COPS6: variants seen among roughly 807,000 people sequenced by gnomAD.
The protein encoded by COPS6 is COP9 signalosome subunit 6.
In COPS6, 9 loss-of-function variants were observed where a neutral mutation model predicts 41.0. That is an observed-to-expected ratio of 0.22 (90% CI 0.13 to 0.38). The LOEUF is 0.38. COPS6 is among the 10% of genes least tolerant of loss of function. The probability of loss-of-function intolerance (pLI) is 1.00; values close to 1 mark genes in which losing one functional copy is unlikely to be tolerated. For synonymous variants in COPS6, 179 were observed against 162.9 expected (o/e 1.10, Z -0.75); for missense variants, 302 against 436.7 (o/e 0.69, Z 2.75).
Position 100,088,971 on chromosome 7 carries a change from G to C in COPS6, c.-20G>C, listed in dbSNP as rs1474409026. ...CCGGGAAGGAAGGGGGCGGGGCCGA[G>C]GCTGGCGGGCGCGGGGAAAATGGCG... is the stretch of plus-strand genomic sequence containing the variant. On this transcript the variant is annotated 5_prime_UTR_variant, in exon 1 of 10. Transcript: ENST00000303904. 6.8e-6 allele frequency: 9 copies of C among 1,320,970 alleles called. No individual in the cohort carries two copies. Among genetic ancestry groups the C allele is most frequent in the Non-Finnish European group, 1.9e-6 (2 of 1,034,516 alleles). 81.8% of individuals were successfully genotyped at this position (1,320,970 alleles called of 1,614,324 possible).
Position 100,091,892 on chromosome 7 carries a change from G to A in COPS6, c.*103G>A. The stretch of plus-strand genomic sequence containing the variant: ...AACCGCTGTCATTAATAAAAGGGGA[G>A]CAGCCCCTGAGCACCCCTGCTGGTG... On this transcript the variant is annotated 3_prime_UTR_variant, in exon 10 of 10. Coordinates refer to ENST00000303904, the MANE Select transcript of COPS6 (RefSeq NM_006833.5). The surrounding 1 kb of genome is among the most constrained non-coding windows in gnomAD (Gnocchi z 4.1). 4.1e-6 allele frequency: 6 copies of A among 1,477,398 alleles called. No homozygotes were observed. The highest frequency in any genetic ancestry group is 1.2e-5 in the South Asian group (1 of 80,904). 91.5% of individuals were successfully genotyped at this position (1,477,398 alleles called of 1,614,324 possible). A position where few individuals can be genotyped will look rare whatever the true frequency, so the allele number is the denominator to read the frequency against.
In COPS6 at chr7:100,091,735, T is replaced by C. The variant is rs745563558; in HGVS notation, c.930T>C (p.Asn310=). The C allele has an allele frequency of 8.7e-6, 14 of 1,614,098 alleles. No individual in the cohort carries two copies. The highest frequency in any genetic ancestry group is 1.3e-5 in the African/African-American group (1 of 74,930). Residue 310 remains asparagine, a synonymous_variant, in exon 10 of 10, where the codon AAT becomes AAC. Transcript: ENST00000303904. This position sits in a 1 kb window ranked among gnomAD's most constrained non-coding sequence, Gnocchi z 4.1. The stretch of plus-strand genomic sequence containing the variant: ...TGAACCAGTTTGTGAACAAGTTCAA[T>C]GTCCTCTACGACCGACAAGGCATCG... ...NTMNQFVNKF[N]VLYDRQGIGR... is the part of the protein sequence containing the mutation.
In COPS6 at chr7:100,091,216, T is replaced by G. The variant is rs1377883589; in HGVS notation, c.650-22T>G. On this transcript the variant is annotated intron_variant, in intron 7 of 9. Transcript: ENST00000303904. This position sits in a 1 kb window ranked among gnomAD's most constrained non-coding sequence, Gnocchi z 4.1. ...GTGGCCACATCCCGTCTCAACCTCC[T>G]CCTGTCCTCATCCCCTTGCAGTGGC... 2 of 1,614,100 alleles carry G rather than the reference T, an allele frequency of 1.2e-6. No homozygotes were observed. The highest frequency in any genetic ancestry group is 1.7e-6 in the Non-Finnish European group (2 of 1,179,934).
Position 100,092,115 on chromosome 7 carries a change from C to G in COPS6, c.*326C>G. ...TGCTTCCACCTAAGTGGTCTCTGTTCTACACTTTAATGTCACCCTCTACAT... is the reference window on the plus strand; with the variant it reads ...TGCTTCCACCTAAGTGGTCTCTGTTGTACACTTTAATGTCACCCTCTACAT... On this transcript the variant is annotated 3_prime_UTR_variant, in exon 10 of 10. Transcript: ENST00000303904. 3.0e-6 allele frequency: 1 copy of G among 332,108 alleles called. No individual in the cohort carries two copies. Among genetic ancestry groups the G allele is most frequent in the South Asian group, 4.5e-5 (1 of 22,298 alleles). 20.6% of individuals were successfully genotyped at this position (332,108 alleles called of 1,614,324 possible).
intron 3 of COPS6, 139 bp downstream of exon 3, chr7:100,089,885 A>G (rs1795286531): frequency 1.3e-6 from 1 of 787,486 alleles, no homozygotes; most frequent in Non-Finnish European, 2.0e-6. Context: ...AGCTGGAGAG[A>G]TCTCAGAAAA....
chr7:100,089,104 T>C (rs1173999112), intron 1 of COPS6, 38 bp downstream of exon 1: 1 of 1,438,848 alleles, frequency 7.0e-7, no homozygotes, highest in Non-Finnish European at 9.1e-7. Flanking sequence ...GGAGACCTCC[T>C]TCAGGGGTTC....
In COPS6 at chr7:100,091,229, C is replaced by A. The variant is rs1795311649; in HGVS notation, c.650-9C>A. The A allele has an allele frequency of 6.2e-7, 1 of 1,614,188 alleles. No homozygotes were observed. Among genetic ancestry groups the A allele is most frequent in the East Asian group, 2.2e-5 (1 of 44,876 alleles). ...GTCTCAACCTCCTCCTGTCCTCATC[C>A]CCTTGCAGTGGCTGAACACCTGATA... On this transcript the variant is annotated splice_polypyrimidine_tract_variant and intron_variant, in intron 7 of 9. Coordinates refer to ENST00000303904, the MANE Select transcript of COPS6 (RefSeq NM_006833.5). This position sits in a 1 kb window ranked among gnomAD's most constrained non-coding sequence, Gnocchi z 4.1.
At chr7:100,089,150 A>C in intron 1 of COPS6, 84 bp downstream of exon 1, 1 of 1,487,334 alleles carries the variant, frequency 6.7e-7, no homozygotes, top group Non-Finnish European at 8.9e-7. Context: ...AGAAGGGAGG[A>C]GGGCGGAGCA....
intron 3 of COPS6, 23 bp from the exon 4 acceptor site, chr7:100,090,376 T>C (rs370467603): frequency 1.9e-6 from 3 of 1,543,444 alleles, no homozygotes; most frequent in Non-Finnish European, 2.7e-6. Context: ...AATTACTATA[T>C]GTTCTGGCCC....
At position 100,091,362 on chromosome 7, in the gene COPS6, C is replaced by T. The variant is rs374295629; in HGVS notation, c.742+32C>T. The T allele has an allele frequency of 1.9e-6, 3 of 1,613,398 alleles. No individual in the cohort carries two copies. The highest frequency in any genetic ancestry group is 2.5e-6 in the Non-Finnish European group (3 of 1,179,296). ...CAGGGGCTTCCCTGGCATTCTTCCTCTCCCTCCTGGGGAAGTGACAGCATC... is the reference window on the plus strand; with the variant it reads ...CAGGGGCTTCCCTGGCATTCTTCCTTTCCCTCCTGGGGAAGTGACAGCATC... On this transcript the variant is annotated intron_variant, in intron 8 of 9. Transcript: ENST00000303904. This position sits in a 1 kb window ranked among gnomAD's most constrained non-coding sequence, Gnocchi z 4.1.
Position 100,092,139 on chromosome 7 carries a change from A to G in COPS6, c.*350A>G, listed in dbSNP as rs1795342056. 3.9e-6 allele frequency: 1 copy of G among 255,838 alleles called. No individual in the cohort carries two copies. The highest frequency in any genetic ancestry group is 8.5e-5 in the East Asian group (1 of 11,742). The allele number at this position is 255,838 out of a possible 1,614,324, so 15.8% of individuals were successfully genotyped here. A position where few individuals can be genotyped will look rare whatever the true frequency, so the allele number is the denominator to read the frequency against. On this transcript the variant is annotated 3_prime_UTR_variant, in exon 10 of 10. Transcript: ENST00000303904. Reference sequence around the variant, plus strand: ...TCTACACTTTAATGTCACCCTCTACATCATCTTACCTAGCCCACCCAACCT... The same window carrying G: ...TCTACACTTTAATGTCACCCTCTACGTCATCTTACCTAGCCCACCCAACCT...
chr7:100,089,833 A>G, intron 3 of COPS6, 87 bp downstream of exon 3: 1 of 1,356,462 alleles, frequency 7.4e-7, no homozygotes, highest in Non-Finnish European at 1.0e-6. Flanking sequence ...TTGGAAAGAA[A>G]CAGGAGAGGA....
In COPS6 at chr7:100,091,867, A is replaced by G; in HGVS notation, c.*78A>G. 1 of 1,578,778 alleles carries G rather than the reference A, an allele frequency of 6.3e-7. No homozygotes were observed. The highest frequency in any genetic ancestry group is 8.7e-7 in the Non-Finnish European group (1 of 1,154,220). Reference sequence around the variant, plus strand: ...GAGGGCACTACACTTCCTTGAGAGAAACCGCTGTCATTAATAAAAGGGGAG... The same window carrying G: ...GAGGGCACTACACTTCCTTGAGAGAGACCGCTGTCATTAATAAAAGGGGAG... On this transcript the variant is annotated 3_prime_UTR_variant, in exon 10 of 10. Coordinates refer to ENST00000303904, the MANE Select transcript of COPS6 (RefSeq NM_006833.5). This position sits in a 1 kb window ranked among gnomAD's most constrained non-coding sequence, Gnocchi z 4.1.
At chr7:100,090,005 G>A (rs1795288297) in intron 3 of COPS6, 2 of 450,866 alleles carry the variant, frequency 4.4e-6, no homozygotes, top group East Asian at 4.2e-5. Context: ...GAGGAGAGAA[G>A]CTGGTGAAAA....
chr7:100,089,239 A>C, intron 1 of COPS6, 51 bp from the exon 2 acceptor site: 2 of 1,581,388 alleles, frequency 1.3e-6, no homozygotes, highest in Non-Finnish European at 1.7e-6. Context: ...ATCTCCAGGG[A>C]AGAACGTGGG....
chr7:100,089,745 G>T lies in COPS6; in HGVS notation c.333G>T (p.Gln111His). 1 of 1,613,650 alleles carries T rather than the reference G, an allele frequency of 6.2e-7. No individual in the cohort carries two copies. Among genetic ancestry groups the T allele is most frequent in the Non-Finnish European group, 8.5e-7 (1 of 1,179,784 alleles). ...DKEYYYTKEE[Q>H]FKQVFKELEF... is the part of the protein sequence containing the mutation. ...AATATTATTACACCAAGGAGGAGCAGTGTGAGAGTGGAATAGATGTGGGGA... is the reference window on the plus strand; with the variant it reads ...AATATTATTACACCAAGGAGGAGCATTGTGAGAGTGGAATAGATGTGGGGA... The change falls in exon 3 of 10, where the codon CAG (glutamine) becomes CAT (histidine). Residue 111 changes from glutamine (Q) to histidine (H), a missense_variant and splice_region_variant. Coordinates refer to ENST00000303904, the MANE Select transcript of COPS6 (RefSeq NM_006833.5).
At position 100,091,547 on chromosome 7, in the gene COPS6, C is replaced by A; in HGVS notation, c.843+27C>A. The A allele has an allele frequency of 1.2e-6, 2 of 1,613,300 alleles. No individual in the cohort carries two copies. The highest frequency in any genetic ancestry group is 1.7e-6 in the Non-Finnish European group (2 of 1,179,316). ...TGAGTGTAAAACCCGGATGGGGAGG[C>A]GGGGCTTATGCTGTCACTTTCACGT... On this transcript the variant is annotated intron_variant, in intron 9 of 9. Coordinates refer to ENST00000303904, the MANE Select transcript of COPS6 (RefSeq NM_006833.5). This position sits in a 1 kb window ranked among gnomAD's most constrained non-coding sequence, Gnocchi z 4.1.
rs1179213458 is a variant in COPS6 at position 100,090,437 on chromosome 7, T to C, written c.373T>C (p.Tyr125His). The C allele has an allele frequency of 6.2e-7, 1 of 1,613,870 alleles. No individual in the cohort carries two copies. Among genetic ancestry groups the C allele is most frequent in the South Asian group, 1.1e-5 (1 of 91,078 alleles). The change falls in exon 4 of 10, where the codon TAT (tyrosine) becomes CAT (histidine). Residue 125 changes from tyrosine (Y) to histidine (H), a missense_variant. This residue lies in a region of COPS6 where 222 missense variants were observed against 309.0 expected (regional missense o/e 0.72). Transcript: ENST00000303904. ...VFKELEFLGW[Y>H]TTGGPPDPSD... Reference sequence around the variant, plus strand: ...CAAGGAGCTGGAGTTTCTGGGTTGGTATACCACAGGGGGGCCACCTGACCC... The same window carrying C: ...CAAGGAGCTGGAGTTTCTGGGTTGGCATACCACAGGGGGGCCACCTGACCC...
rs532223057 is a variant in COPS6, at chr7:100,089,483, C to G, written c.202+68C>G. ...CTCCCCCAGGCAGTGGTCTTTTCCC[C>G]TTCCTCTACTGGAGCCAATTCCCCC... On this transcript the variant is annotated intron_variant, in intron 2 of 9. Coordinates refer to ENST00000303904, the MANE Select transcript of COPS6 (RefSeq NM_006833.5). 6.2e-6 allele frequency: 10 copies of G among 1,608,702 alleles called. No individual in the cohort carries two copies. In the African/African-American group the frequency reaches 1.2e-4, roughly 19 times the overall value.
Sources: gnomAD v4.1 joint callset for allele counts on GRCh38, gnomAD v4.1.1 for gene constraint, gnomAD v4.1.1 regional missense constraint, Gnocchi (gnomAD v3.1) non-coding constraint, MANE v1.5 for transcripts, NCBI Gene and HGNC (gene_info 2026-07-23, HGNC 2026-07-21) for gene names.